The following UBE2E3 variants were observed in gnomAD, a reference collection of about 807,000 sequenced individuals.
UBE2E3 encodes the protein ubiquitin conjugating enzyme E2 E3.
A neutral mutation model predicts 23.6 loss-of-function variants in UBE2E3; 5 were observed. The ratio of observed to expected loss-of-function variants is 0.21; its 90% CI spans 0.11 to 0.44. The LOEUF is 0.44. UBE2E3 is among the 20% of genes least tolerant of loss of function. The pLI is 0.99. For synonymous variants in UBE2E3, 78 were observed against 87.5 expected (o/e 0.89, Z 0.60); for missense variants, 81 against 249.8 (o/e 0.32, Z 4.55).
chr2:181,030,860 T>C (rs1390355273), intron 3 of UBE2E3, among the ~76,000 whole-genome samples: 1 of 152,168 alleles, frequency 6.6e-6, no homozygotes, highest in Non-Finnish European at 1.5e-5. Flanking sequence ...TCTCTCTGTC[T>C]TGTCACAAGG....
chr2:180,982,942 A>C (rs188674559), intron 2 of UBE2E3, among the ~76,000 whole-genome samples: 1 of 152,162 alleles, frequency 6.6e-6, no homozygotes, highest in Non-Finnish European at 1.5e-5. Flanking sequence ...TTAATACTCA[A>C]CAGCAGGAGA....
chr2:181,016,535 C>T (rs1050104195), intron 3 of UBE2E3, among the ~76,000 whole-genome samples: 1 of 152,144 alleles, frequency 6.6e-6, no homozygotes, highest in Non-Finnish European at 1.5e-5. Flanking sequence ...TTATGTCAGA[C>T]TCATTTTACA....
At chr2:181,032,089 A>C (rs540582848) in intron 3 of UBE2E3, among the ~76,000 whole-genome samples, 83 of 152,306 alleles carry the variant, frequency 5.4e-4, no homozygotes, top group African/African-American at 2.0e-3. Flanking sequence ...CACTTTGCTG[A>C]GGTTTTCATT....
At chr2:180,993,976 A>G (rs1032886370) in intron 3 of UBE2E3, among the ~76,000 whole-genome samples, 1 of 152,172 alleles carries the variant, frequency 6.6e-6, no homozygotes, top group African/African-American at 2.4e-5. Context: ...TTTACCTGGT[A>G]TCACAATGAG....
chr2:180,986,373 T>G, intron 3 of UBE2E3, among the ~76,000 whole-genome samples: 1 of 152,148 alleles, frequency 6.6e-6, no homozygotes, highest in Admixed American at 6.5e-5. Context: ...TTCAAATTCT[T>G]GTGGGTGGAA....
intron 3 of UBE2E3, among the ~76,000 whole-genome samples, chr2:181,036,633 C>A (rs958474480): frequency 2.0e-5 from 3 of 152,182 alleles, no homozygotes; most frequent in Admixed American, 2.0e-4. Flanking sequence ...CAGGAGCATC[C>A]TGTCCAGGGA....
At chr2:181,039,757 C>T (rs1686424445) in intron 3 of UBE2E3, among the ~76,000 whole-genome samples, 1 of 152,100 alleles carries the variant, frequency 6.6e-6, no homozygotes, top group South Asian at 2.1e-4. Flanking sequence ...AAATGTCATC[C>T]CGTGGTATCC....
intron 3 of UBE2E3, among the ~76,000 whole-genome samples, chr2:180,994,924 T>A (rs1183347617): frequency 2.0e-5 from 3 of 151,952 alleles, no homozygotes; most frequent in Admixed American, 1.3e-4. Context: ...CCATTTGGAG[T>A]CAAGAGAATC....
At chr2:181,051,828 A>C (rs1353161315) in intron 3 of UBE2E3, among the ~76,000 whole-genome samples, 1 of 151,924 alleles carries the variant, frequency 6.6e-6, no homozygotes, top group Non-Finnish European at 1.5e-5. Context: ...ATTTATAGTG[A>C]ATACATGAGC....
chr2:181,039,717 G>A (rs1271914637), intron 3 of UBE2E3, among the ~76,000 whole-genome samples: 1 of 152,194 alleles, frequency 6.6e-6, no homozygotes, highest in African/African-American at 2.4e-5. Flanking sequence ...CAAAGACACT[G>A]ATGTCTAGGA....
chr2:181,023,748 T>C (rs935778730), intron 3 of UBE2E3, among the ~76,000 whole-genome samples: 3 of 152,202 alleles, frequency 2.0e-5, no homozygotes, highest in African/African-American at 7.2e-5. Context: ...GTTCATTACT[T>C]AAATTCTTTG....
chr2:181,033,383 A>C (rs1329112838), intron 3 of UBE2E3, among the ~76,000 whole-genome samples: 1 of 152,262 alleles, frequency 6.6e-6, no homozygotes, highest in Admixed American at 6.5e-5. Flanking sequence ...CCACACATCT[A>C]CAACTATCTG....
At chr2:181,027,342 G>A (rs1219215160) in intron 3 of UBE2E3, among the ~76,000 whole-genome samples, 2 of 151,762 alleles carry the variant, frequency 1.3e-5, no homozygotes, top group African/African-American at 4.8e-5. Context: ...TAAGAGACTT[G>A]GTAGCTGCAT....
At chr2:181,012,420 TTTAAA>T (rs1006994484) in intron 3 of UBE2E3, among the ~76,000 whole-genome samples, 23 of 152,334 alleles carry the variant, frequency 1.5e-4, no homozygotes, top group African/African-American at 4.3e-4. Context: ...TTAATAGCTC[TTTAAA>T]TTAAAGAATG....
At chr2:181,010,160 T>C (rs981391930) in intron 3 of UBE2E3, among the ~76,000 whole-genome samples, 4 of 152,192 alleles carry the variant, frequency 2.6e-5, no homozygotes, top group Non-Finnish European at 5.9e-5. Context: ...AATGGTGTAA[T>C]AATTGGAAAA....
At chr2:181,042,198 T>G (rs1344391635) in intron 3 of UBE2E3, among the ~76,000 whole-genome samples, 3 of 152,232 alleles carry the variant, frequency 2.0e-5, no homozygotes, top group African/African-American at 7.2e-5. Context: ...GTTTGAAAAT[T>G]AATGTTTGCC....
intron 3 of UBE2E3, among the ~76,000 whole-genome samples, chr2:181,040,058 TG>T (rs1686436190): frequency 1.3e-5 from 2 of 152,242 alleles, no homozygotes; most frequent in South Asian, 4.1e-4. Context: ...ATTTACCACA[TG>T]GGGTGATTTT....
chr2:181,013,974 A>G (rs1685411212), intron 3 of UBE2E3, among the ~76,000 whole-genome samples: 1 of 152,180 alleles, frequency 6.6e-6, no homozygotes, highest in Admixed American at 6.6e-5. Context: ...CATGCTTCTA[A>G]TAGTCTAGGA....
chr2:180,995,501 T>G (rs2105582776), intron 3 of UBE2E3, among the ~76,000 whole-genome samples: 1 of 152,278 alleles, frequency 6.6e-6, no homozygotes, highest in Non-Finnish European at 1.5e-5. Context: ...GAATAGGCTA[T>G]TAAGTTTTTG....
Sources: gnomAD v4.1 joint callset for allele counts (sites outside exome capture counted in the v4.1 genomes callset) on GRCh38, gnomAD v4.1.1 for gene constraint, MANE v1.5 for transcripts, NCBI Gene and HGNC (gene_info 2026-07-23, HGNC 2026-07-21) for gene names.